KCNJ3: variants seen among roughly 807,000 people sequenced by gnomAD.
KCNJ3 encodes the protein G protein-activated inward rectifier potassium channel 1.
KCNJ3 carries 4 observed loss-of-function variants against 39.2 expected under a neutral mutation model. The ratio of observed to expected loss-of-function variants is 0.10; its 90% CI spans 0.05 to 0.23. The LOEUF (loss-of-function observed/expected upper bound fraction) is 0.23, where lower values mean the gene tolerates loss of function less well. Among genes scored for constraint, KCNJ3 ranks in the 10% least tolerant of loss-of-function variants. The pLI, the probability that KCNJ3 is intolerant of heterozygous loss-of-function variation, is 1.00. For synonymous variants in KCNJ3, 230 were observed against 237.4 expected (o/e 0.97, Z 0.29); for missense variants, 276 against 634.9 (o/e 0.43, Z 6.08).
intron 2 of KCNJ3, among the ~76,000 whole-genome samples, chr2:154,791,166 T>C (rs574668966): frequency 6.6e-6 from 1 of 152,066 alleles, no homozygotes. Context: ...AAATTTTATT[T>C]GGTTAAGATT....
intron 2 of KCNJ3, among the ~76,000 whole-genome samples, chr2:154,790,658 A>G (rs1475152986): frequency 6.6e-6 from 1 of 152,124 alleles, no homozygotes; most frequent in Non-Finnish European, 1.5e-5. Context: ...ATCACAAGAT[A>G]TAAGAGTGTT....
chr2:154,797,529 G>A (rs867786871), intron 2 of KCNJ3, among the ~76,000 whole-genome samples: 1 of 151,874 alleles, frequency 6.6e-6, no homozygotes, highest in East Asian at 1.9e-4. Context: ...AAGCAAACAC[G>A]TTTAGTTTTG....
chr2:154,844,067 C>CCAT (rs1438358294), intron 2 of KCNJ3, among the ~76,000 whole-genome samples: 1 of 152,190 alleles, frequency 6.6e-6, no homozygotes, highest in Admixed American at 6.5e-5. Flanking sequence ...TGGTTTCTCC[C>CCAT]CATCTTTGTG....
intron 2 of KCNJ3, among the ~76,000 whole-genome samples, chr2:154,758,944 A>T (rs1685988281): frequency 6.6e-6 from 1 of 152,148 alleles, no homozygotes; most frequent in Non-Finnish European, 1.5e-5. Context: ...ATGTTTAGTT[A>T]TTTCAAGTTT....
intron 2 of KCNJ3, among the ~76,000 whole-genome samples, chr2:154,840,917 C>T (rs1318548189): frequency 6.6e-6 from 1 of 152,114 alleles, no homozygotes; most frequent in Non-Finnish European, 1.5e-5. Flanking sequence ...TAACTGAATA[C>T]CCTTTATTTC....
At chr2:154,731,917 C>A (rs964802466) in intron 2 of KCNJ3, among the ~76,000 whole-genome samples, 4 of 151,830 alleles carry the variant, frequency 2.6e-5, no homozygotes, top group Admixed American at 1.3e-4. Context: ...ATATGTAATG[C>A]TAGTATAGCA....
At chr2:154,719,198 A>G (rs1032744962) in intron 2 of KCNJ3, among the ~76,000 whole-genome samples, 2 of 152,152 alleles carry the variant, frequency 1.3e-5, no homozygotes, top group African/African-American at 4.8e-5. Context: ...AAAACACACA[A>G]CTAATTCTTA....
chr2:154,730,927 A>C (rs1424313284), intron 2 of KCNJ3, among the ~76,000 whole-genome samples: 2 of 152,126 alleles, frequency 1.3e-5, no homozygotes, highest in Non-Finnish European at 2.9e-5. Context: ...TTGAAATCAC[A>C]TTTAAAAAGT....
intron 2 of KCNJ3, among the ~76,000 whole-genome samples, chr2:154,721,128 A>T (rs2105159873): frequency 6.6e-6 from 1 of 151,734 alleles, no homozygotes; most frequent in African/African-American, 2.4e-5. Context: ...AACTCATATG[A>T]TTTATTCTAT....
intron 2 of KCNJ3, among the ~76,000 whole-genome samples, chr2:154,798,292 C>T (rs1686755756): frequency 2.0e-5 from 3 of 151,842 alleles, no homozygotes; most frequent in Admixed American, 2.0e-4. Context: ...TATGGTTAAA[C>T]TTAAAAGATT....
intron 2 of KCNJ3, among the ~76,000 whole-genome samples, chr2:154,724,542 T>C (rs1232563325): frequency 6.6e-6 from 1 of 151,978 alleles, no homozygotes; most frequent in African/African-American, 2.4e-5. Context: ...TTCCTGCTCA[T>C]GCAGTGAGCA....
intron 2 of KCNJ3, among the ~76,000 whole-genome samples, chr2:154,797,280 A>C (rs1686735778): frequency 6.6e-6 from 1 of 152,224 alleles, no homozygotes; most frequent in Non-Finnish European, 1.5e-5. Flanking sequence ...TGTGTTTCAC[A>C]AAAGTTGATA....
At chr2:154,724,694 C>T (rs1031819241) in intron 2 of KCNJ3, among the ~76,000 whole-genome samples, 4 of 151,572 alleles carry the variant, frequency 2.6e-5, no homozygotes, top group South Asian at 4.2e-4. Flanking sequence ...AATATAATGT[C>T]GTGTCAAATG....
chr2:154,787,987 A>G (rs548855916), intron 2 of KCNJ3, among the ~76,000 whole-genome samples: 22 of 152,206 alleles, frequency 1.4e-4, no homozygotes, highest in Non-Finnish European at 1.8e-4. Flanking sequence ...AAGAGTGTTT[A>G]GAAAGACACA....
chr2:154,843,228 T>C (rs998199786), intron 2 of KCNJ3, among the ~76,000 whole-genome samples: 2 of 152,326 alleles, frequency 1.3e-5, no homozygotes, highest in East Asian at 1.9e-4. Flanking sequence ...AATTCTGGGT[T>C]GAAAATTCTT....
intron 2 of KCNJ3, among the ~76,000 whole-genome samples, chr2:154,784,041 G>A (rs1204145926): frequency 1.3e-5 from 2 of 152,072 alleles, no homozygotes; most frequent in African/African-American, 4.8e-5. Context: ...TTCTTGCTGG[G>A]TGATAAAATT....
chr2:154,743,730 A>G (rs76179435), intron 2 of KCNJ3, among the ~76,000 whole-genome samples: 2,723 of 151,658 alleles, frequency 0.018, 57 homozygotes, highest in East Asian at 0.11. Context: ...TTGTATTTAA[A>G]GGTTGCTATT....
At chr2:154,775,390 A>G (rs1013119298) in intron 2 of KCNJ3, among the ~76,000 whole-genome samples, 3 of 152,196 alleles carry the variant, frequency 2.0e-5, no homozygotes, top group African/African-American at 7.2e-5. Context: ...AGTATTTTGC[A>G]GAAGAGATTT....
chr2:154,795,006 A>G (rs1384828222), intron 2 of KCNJ3, among the ~76,000 whole-genome samples: 1 of 151,996 alleles, frequency 6.6e-6, no homozygotes. Context: ...GCCATCAGGA[A>G]ACTCACAGTG....
Sources: gnomAD v4.1 joint callset for allele counts (sites outside exome capture counted in the v4.1 genomes callset) on GRCh38, gnomAD v4.1.1 for gene constraint, MANE v1.5 for transcripts, NCBI Gene and HGNC (gene_info 2026-07-23, HGNC 2026-07-21) for gene names.